The following TMEM225B variants were observed in gnomAD, a reference collection of about 807,000 sequenced individuals.
TMEM225B encodes the protein transmembrane protein 225-like.
TMEM225B carries 10 observed loss-of-function variants against 16.9 expected under a neutral mutation model. That is an observed-to-expected ratio of 0.59 (90% CI 0.36 to 1.00). TMEM225B has a LOEUF of 1.00. TMEM225B is among the 50% of genes least tolerant of loss of function. TMEM225B has a pLI of 0.01. For missense variants in TMEM225B, 217 were observed against 267.0 expected, an observed-to-expected ratio of 0.81 and a Z score of 1.30; for synonymous variants, 92 against 109.8, an observed-to-expected ratio of 0.84 and a Z score of 1.01.
chr7:99,609,756 A>G (rs1315384829), intron 5 of TMEM225B, among the ~76,000 whole-genome samples: 1 of 151,768 alleles, frequency 6.6e-6, no homozygotes, highest in Non-Finnish European at 1.5e-5. Context: ...TTTTAAAGGG[A>G]CAAGGTCTTG....
chr7:99,607,598 C>A, intron 4 of TMEM225B, 75 bp from the exon 5 acceptor site: 1 of 1,432,184 alleles, frequency 7.0e-7, no homozygotes, highest in Non-Finnish European at 9.2e-7. Flanking sequence ...CAGGCAGGAG[C>A]CACAGGGGGT....
At chr7:99,601,331 G>A (rs1805343169) in intron 2 of TMEM225B, among the ~76,000 whole-genome samples, 1 of 152,176 alleles carries the variant, frequency 6.6e-6, no homozygotes, top group Non-Finnish European at 1.5e-5. Flanking sequence ...GGTGGTTCAA[G>A]CCTGTAATCC....
At chr7:99,599,942 CCTA>C (rs1805205153) in intron 1 of TMEM225B, among the ~76,000 whole-genome samples, 1 of 152,212 alleles carries the variant, frequency 6.6e-6, no homozygotes, top group Non-Finnish European at 1.5e-5. Flanking sequence ...TTCAGTCTGG[CCTA>C]TATCCGTGCG....
chr7:99,603,030 A>T (rs1805488173), intron 2 of TMEM225B, among the ~76,000 whole-genome samples: 1 of 152,118 alleles, frequency 6.6e-6, no homozygotes, highest in Admixed American at 6.5e-5. Flanking sequence ...ACAAAAGGAG[A>T]CATCTTAGTG....
chr7:99,599,533 C>T (rs750331867), intron 1 of TMEM225B, among the ~76,000 whole-genome samples: 2 of 152,174 alleles, frequency 1.3e-5, no homozygotes, highest in Non-Finnish European at 2.9e-5. Context: ...GCCTGGGTGA[C>T]ACAAGACCCT....
Position 99,610,544 on chromosome 7 carries a change from G to T in TMEM225B, c.645G>T (p.Val215=), listed in dbSNP as rs1806261321. 2 of 1,536,020 alleles carry T rather than the reference G, an allele frequency of 1.3e-6. No individual in the cohort carries two copies. The highest frequency in any genetic ancestry group is 1.7e-6 in the Non-Finnish European group (2 of 1,146,902). ...GCTCAGTACAAAAGGAGACACAGGTGACAGCAGAAACAGTCATCTAGCCCA... is the reference window on the plus strand; with the variant it reads ...GCTCAGTACAAAAGGAGACACAGGTTACAGCAGAAACAGTCATCTAGCCCA... ...EPSSVQKETQ[V]TAETVI The change falls in exon 6 of 6, where the codon GTG becomes GTT. Residue 215 remains valine (V), a synonymous_variant. Transcript: ENST00000431679.
chr7:99,610,349 T>C (rs2151226683), intron 5 of TMEM225B, 44 bp from the exon 6 acceptor site: 1 of 1,504,188 alleles, frequency 6.6e-7, no homozygotes, highest in East Asian at 2.5e-5. Flanking sequence ...GGCGTGGAGC[T>C]CTGGACTTTC....
At chr7:99,606,368 G>A (rs553140542) in intron 3 of TMEM225B, among the ~76,000 whole-genome samples, 97 of 152,348 alleles carry the variant, frequency 6.4e-4, no homozygotes, top group African/African-American at 2.2e-3. Context: ...TCTGGAGGCT[G>A]AGGCAGGAGG....
In TMEM225B at chr7:99,604,506, C is replaced by A; in HGVS notation, c.118C>A (p.Leu40Met). The change falls in exon 3 of 6, where the codon CTG becomes ATG. Residue 40 changes from leucine to methionine, a missense_variant. By Grantham distance (15) the Leu-to-Met change is conservative. Coordinates refer to ENST00000431679, the MANE Select transcript of TMEM225B (RefSeq NM_001195541.3). ...VVSIFPFWVR[L>M]TNEESHEVFF... ...CTCCATCTTTCCCTTCTGGGTGCGA[C>A]TGACAAACGAGGAGTCCCACGAAGT... 1.3e-6 allele frequency: 2 copies of A among 1,536,134 alleles called. No homozygotes were observed. The highest frequency in any genetic ancestry group is 1.2e-5 in the South Asian group (1 of 84,068).
In TMEM225B at chr7:99,608,716, AATAT is replaced by A. The variant is rs770509440; in HGVS notation, c.493+922_493+925del. On this transcript the variant is annotated intron_variant, in intron 5 of 5. Coordinates refer to ENST00000431679, the MANE Select transcript of TMEM225B (RefSeq NM_001195541.3). ...CACCATGGCCAGCTAGTTAAAAAAA[AATAT>A]ATATATATATATATACACACACACA... is the stretch of plus-strand genomic sequence containing the variant. Among the ~76,000 whole-genome samples the A allele has an allele frequency of 2.1e-3, 243 of 116,292 alleles. 2 individuals carry two copies. The highest frequency in any genetic ancestry group is 8.7e-3 in the African/African-American group (149 of 17,196). 76.3% of individuals were successfully genotyped at this position (116,292 alleles called of 152,430 possible). A position where few individuals can be genotyped will look rare whatever the true frequency, so the allele number is the denominator to read the frequency against.
chr7:99,600,937 G>A (rs1470001503), intron 2 of TMEM225B, among the ~76,000 whole-genome samples: 1 of 152,136 alleles, frequency 6.6e-6, no homozygotes, highest in Non-Finnish European at 1.5e-5. Context: ...AGATGGAAGT[G>A]GGGTTGGGGA....
chr7:99,602,613 C>T (rs1805462393), intron 2 of TMEM225B, among the ~76,000 whole-genome samples: 1 of 152,188 alleles, frequency 6.6e-6, no homozygotes, highest in Non-Finnish European at 1.5e-5. Flanking sequence ...TGAGCAACTT[C>T]CCCAAGATCA....
Position 99,610,484 on chromosome 7 carries a change from C to A in TMEM225B, c.585C>A (p.Tyr195Ter). The A allele has an allele frequency of 1.3e-6, 2 of 1,536,074 alleles. No homozygotes were observed. Among genetic ancestry groups the A allele is most frequent in the Non-Finnish European group, 1.7e-6 (2 of 1,146,856 alleles). ...TGGAGGAGGACCACGGGAGCCTGTA[C>A]CTGGACAATCTGGAGAGTTTGGGAG... is the stretch of plus-strand genomic sequence containing the variant. ...QSMEEDHGSL[Y>*]LDNLESLGGE... Residue 195 changes from tyrosine (Y) to a stop codon, truncating the protein, a stop_gained, in exon 6 of 6, where the codon TAC (tyrosine) becomes TAA (stop). Transcript: ENST00000431679. LOFTEE classifies it high-confidence loss of function.
At chr7:99,598,899 C>T (rs1805086899) in intron 1 of TMEM225B, among the ~76,000 whole-genome samples, 1 of 152,200 alleles carries the variant, frequency 6.6e-6, no homozygotes, top group Non-Finnish European at 1.5e-5. Flanking sequence ...GGTCCTCAGA[C>T]GCTGGTCCAG....
intron 5 of TMEM225B, among the ~76,000 whole-genome samples, chr7:99,609,467 C>T (rs1488897118): frequency 2.0e-5 from 3 of 152,106 alleles, no homozygotes; most frequent in African/African-American, 7.2e-5. Flanking sequence ...GAGATGGAGT[C>T]TTGCTCTGTC....
Position 99,610,732 on chromosome 7 carries a change from T to C in TMEM225B, c.*167T>C. 1 of 537,024 alleles carries C rather than the reference T, an allele frequency of 1.9e-6. No homozygotes were observed. Among genetic ancestry groups the C allele is most frequent in the Non-Finnish European group, 3.2e-6 (1 of 315,302 alleles). 33.3% of individuals were successfully genotyped at this position (537,024 alleles called of 1,614,324 possible). ...ACTCACAGTGATTCTATCTTGCTTGTATGTGAAATTTGCTAAAAGTCCTTT... is the reference window on the plus strand; with the variant it reads ...ACTCACAGTGATTCTATCTTGCTTGCATGTGAAATTTGCTAAAAGTCCTTT... On this transcript the variant is annotated 3_prime_UTR_variant, in exon 6 of 6. Transcript: ENST00000431679.
chr7:99,604,641 C>T (rs1805642484), intron 3 of TMEM225B, 45 bp downstream of exon 3: 3 of 1,443,140 alleles, frequency 2.1e-6, no homozygotes, highest in Non-Finnish European at 2.8e-6. Context: ...GAGATGGGGC[C>T]AGTGTTGGGA....
At chr7:99,606,995 T>C in intron 4 of TMEM225B, 101 bp downstream of exon 4, 1 of 1,373,492 alleles carries the variant, frequency 7.3e-7, no homozygotes, top group Non-Finnish European at 9.8e-7. Context: ...GAGGCATAAT[T>C]TTTCTTTTTA....
rs141137992 is a variant in TMEM225B, at chr7:99,604,198, A to ATT, written c.-3-179_-3-178dup. 1.1e-4 allele frequency among the ~76,000 whole-genome samples: 17 copies of ATT among 149,402 alleles called. No homozygotes were observed. The South Asian group carries it at 3.4e-3, about 30-fold the overall frequency. The stretch of plus-strand genomic sequence containing the variant: ...TTTAGCGACAGAAAGCATTTTATGC[A>ATT]TTTTTTTTTTGGTCTGCTGCAGAGG... On this transcript the variant is annotated intron_variant, in intron 2 of 5. Transcript: ENST00000431679.
Sources: allele counts gnomAD v4.1 joint callset (sites outside exome capture counted in the v4.1 genomes callset), GRCh38; gene constraint gnomAD v4.1.1; transcripts MANE v1.5; gene names NCBI Gene and HGNC (gene_info 2026-07-23, HGNC 2026-07-21).